The following ARNT variants were observed in gnomAD, a reference collection of about 807,000 sequenced individuals.
ARNT encodes aryl hydrocarbon receptor nuclear translocator.
In ARNT, 30 loss-of-function variants were observed where a neutral mutation model predicts 105.0. That is an observed-to-expected ratio of 0.29 (90% CI 0.21 to 0.39). The LOEUF (loss-of-function observed/expected upper bound fraction) is 0.39. ARNT is among the 10% of genes least tolerant of loss of function. The pLI is 1.00. For synonymous variants in ARNT, 304 were observed against 344.0 expected, an observed-to-expected ratio of 0.88 and a Z score of 1.29; for missense variants, 748 against 978.7, an observed-to-expected ratio of 0.76 and a Z score of 3.15.
At chr1:150,868,351 T>C (rs910773731) in intron 1 of ARNT, among the ~76,000 whole-genome samples, 2 of 151,876 alleles carry the variant, frequency 1.3e-5, no homozygotes, top group Non-Finnish European at 2.9e-5. Flanking sequence ...AAGAGAAAAG[T>C]AGAAGCATAC....
intron 2 of ARNT, among the ~76,000 whole-genome samples, chr1:150,855,931 T>C (rs1571433474): frequency 6.6e-6 from 1 of 151,716 alleles, no homozygotes; most frequent in East Asian, 1.9e-4. Context: ...GTGTATTGCT[T>C]ATTATTTATA....
intron 2 of ARNT, among the ~76,000 whole-genome samples, chr1:150,853,728 A>G (rs952670119): frequency 6.6e-6 from 1 of 152,236 alleles, no homozygotes; most frequent in African/African-American, 2.4e-5. Context: ...AGTGTCACAT[A>G]AGGGGTACAA....
At chr1:150,834,402 CTG>C (rs1486765157) in intron 8 of ARNT, 134 bp downstream of exon 8, 2 of 772,838 alleles carry the variant, frequency 2.6e-6, no homozygotes, top group East Asian at 2.6e-5. Flanking sequence ...ATACTTTATT[CTG>C]TGTTACAATC....
intron 12 of ARNT, among the ~76,000 whole-genome samples, chr1:150,828,484 T>C (rs182519604): frequency 1.3e-5 from 2 of 152,298 alleles, no homozygotes; most frequent in Admixed American, 1.3e-4. Flanking sequence ...TTCTGGTCTA[T>C]TGATCTATAT....
At chr1:150,863,932 C>G (rs1338815176) in intron 1 of ARNT, among the ~76,000 whole-genome samples, 1 of 152,018 alleles carries the variant, frequency 6.6e-6, no homozygotes, top group African/African-American at 2.4e-5. Flanking sequence ...GGGATATGTT[C>G]TGAGAAATGT....
At chr1:150,841,035 G>A (rs993969393) in intron 5 of ARNT, among the ~76,000 whole-genome samples, 2 of 132,998 alleles carry the variant, frequency 1.5e-5, no homozygotes, top group Admixed American at 8.9e-5. Context: ...TGCAACCTCC[G>A]CCTTCTGGGT....
chr1:150,860,946 GA>G (rs1440738741), intron 1 of ARNT, among the ~76,000 whole-genome samples: 1 of 151,984 alleles, frequency 6.6e-6, no homozygotes, highest in Non-Finnish European at 1.5e-5. Context: ...AATGGGCAAA[GA>G]ACTTGAACAA....
At chr1:150,848,767 A>C (rs368648633) in intron 3 of ARNT, among the ~76,000 whole-genome samples, 1 of 152,148 alleles carries the variant, frequency 6.6e-6, no homozygotes, top group Non-Finnish European at 1.5e-5. Context: ...CCAGAGCTTA[A>C]GCGATCCACC....
chr1:150,844,726 A>G (rs1214589096), intron 4 of ARNT, among the ~76,000 whole-genome samples: 1 of 152,126 alleles, frequency 6.6e-6, no homozygotes, highest in East Asian at 1.9e-4. Flanking sequence ...AAAAAAGTAT[A>G]TTTCATCATC....
chr1:150,823,382 A>G (rs746852019), intron 13 of ARNT, 37 bp from the exon 14 acceptor site: 2 of 1,536,878 alleles, frequency 1.3e-6, no homozygotes, highest in Non-Finnish European at 1.8e-6. Context: ...GAACTCATAG[A>G]AAATTTTCAT....
At chr1:150,873,391 T>C (rs915300804) in intron 1 of ARNT, among the ~76,000 whole-genome samples, 14 of 151,846 alleles carry the variant, frequency 9.2e-5, no homozygotes, top group Non-Finnish European at 1.8e-4. Context: ...CGAGTTCTAC[T>C]TGCCAGTGAT....
chr1:150,812,105 C>T lies in ARNT; in HGVS notation c.2286G>A (p.Met762Ile). ...TGCTCTGATCTCCCAGCATGGACAG[C>T]ATCTCCTGATAAAAGAAAAAGATTA... ...QPGQPEVFQE[M>I]LSMLGDQSNS... The change falls in exon 22 of 22, where the codon ATG becomes ATA. Residue 762 changes from methionine (M) to isoleucine (I), a missense_variant. Around this residue, in one of 4 missense-constraint regions of ARNT, gnomAD observed 360 missense variants for 411.9 expected, o/e 0.87. Transcript: ENST00000358595. 1 of 1,559,984 alleles carries T rather than the reference C, an allele frequency of 6.4e-7. No homozygotes were observed.
chr1:150,838,671 C>T (rs1206655623), intron 6 of ARNT, among the ~76,000 whole-genome samples: 1 of 151,838 alleles, frequency 6.6e-6, no homozygotes, highest in Non-Finnish European at 1.5e-5. Flanking sequence ...TTTTTTCTTC[C>T]TTATACCTCC....
intron 2 of ARNT, among the ~76,000 whole-genome samples, chr1:150,855,499 T>C (rs1664432350): frequency 6.6e-6 from 1 of 151,834 alleles, no homozygotes; most frequent in Admixed American, 6.6e-5. Context: ...GAGGCGGAGC[T>C]TGCAGTGAGC....
chr1:150,867,095 T>C (rs1015276206), intron 1 of ARNT, among the ~76,000 whole-genome samples: 5 of 151,850 alleles, frequency 3.3e-5, no homozygotes, highest in African/African-American at 1.2e-4. Context: ...TCCCAGCTAC[T>C]CGAGAGGCTG....
intron 14 of ARNT, chr1:150,818,439 T>A (rs1371233843): frequency 6.5e-6 from 1 of 152,992 alleles, no homozygotes; most frequent in Non-Finnish European, 1.5e-5. Flanking sequence ...ACATTTTCTA[T>A]AAAGAATATT....
In ARNT at chr1:150,832,381, C is replaced by T; in HGVS notation, c.822G>A (p.Val274=). 13 of 1,614,084 alleles carry T rather than the reference C, an allele frequency of 8.1e-6. No individual in the cohort carries two copies. Among genetic ancestry groups the T allele is most frequent in the Non-Finnish European group, 1.0e-5 (12 of 1,179,996 alleles). ...ICRMRCGSSS[V]DPVSVNRLSF... ...TCAGCCTATTCACAGAAACTGGGTC[C>T]ACAGAGCTACTGCCACACCTGTTTC... Residue 274 remains valine (V), a synonymous_variant, in exon 9 of 22, where the codon GTG becomes GTA. Coordinates refer to ENST00000358595, the MANE Select transcript of ARNT (RefSeq NM_001668.4).
At chr1:150,868,498 A>T (rs1666954796) in intron 1 of ARNT, among the ~76,000 whole-genome samples, 1 of 152,212 alleles carries the variant, frequency 6.6e-6, no homozygotes, top group African/African-American at 2.4e-5. Context: ...AAGAACTTGT[A>T]GAGGATTCTA....
intron 1 of ARNT, chr1:150,861,301 G>C (rs1410471023): frequency 2.4e-6 from 1 of 424,966 alleles, no homozygotes; most frequent in Non-Finnish European, 4.6e-6. Flanking sequence ...TCCAAGATCA[G>C]GCTGGGAAAC....
Sources: gnomAD v4.1 joint callset for allele counts (sites outside exome capture counted in the v4.1 genomes callset) on GRCh38, gnomAD v4.1.1 for gene constraint, gnomAD v4.1.1 regional missense constraint, MANE v1.5 for transcripts, NCBI Gene and HGNC (gene_info 2026-07-23, HGNC 2026-07-21) for gene names.